ITGA8: variants seen among roughly 807,000 people sequenced by gnomAD.
The protein encoded by ITGA8 is integrin subunit alpha 8.
A neutral mutation model predicts 142.3 loss-of-function variants in ITGA8; 91 were observed. That is an observed-to-expected ratio of 0.64 (90% CI 0.54 to 0.76). The LOEUF is 0.76. Among genes scored for constraint, ITGA8 ranks in the 30% least tolerant of loss-of-function variants. The probability of loss-of-function intolerance (pLI) is 0.00; values close to 1 mark genes in which losing one functional copy is unlikely to be tolerated. For synonymous variants in ITGA8, 505 were observed against 485.2 expected, an observed-to-expected ratio of 1.04 and a Z score of -0.54; for missense variants, 1,406 against 1,327.7, an observed-to-expected ratio of 1.06 and a Z score of -0.92.
At chr10:15,700,180 C>T (rs1835135480) in intron 2 of ITGA8, among the ~76,000 whole-genome samples, 1 of 152,140 alleles carries the variant, frequency 6.6e-6, no homozygotes, top group Admixed American at 6.6e-5. Context: ...TTTCTTATTT[C>T]AATATGAAAA....
At chr10:15,556,103 T>A (rs1031193653) in intron 26 of ITGA8, among the ~76,000 whole-genome samples, 1 of 129,792 alleles carries the variant, frequency 7.7e-6, no homozygotes, top group African/African-American at 2.8e-5. Flanking sequence ...CTCGACTCAC[T>A]GCAACCTCCA....
chr10:15,703,859 C>A (rs1020177054), intron 2 of ITGA8, among the ~76,000 whole-genome samples: 39 of 151,778 alleles, frequency 2.6e-4, no homozygotes, highest in African/African-American at 9.0e-4. Context: ...AACACAAAAG[C>A]CCCCCATTGA....
At chr10:15,709,703 G>A (rs1170155211) in intron 2 of ITGA8, among the ~76,000 whole-genome samples, 2 of 152,144 alleles carry the variant, frequency 1.3e-5, no homozygotes, top group Admixed American at 1.3e-4. Context: ...CTTCTGGTAA[G>A]CTCATCTTAC....
At chr10:15,582,908 T>C (rs1190933699) in intron 23 of ITGA8, among the ~76,000 whole-genome samples, 1 of 152,242 alleles carries the variant, frequency 6.6e-6, no homozygotes, top group Non-Finnish European at 1.5e-5. Flanking sequence ...TACAACTCGG[T>C]AATTCCATTT....
chr10:15,550,159 C>G (rs1833769173), intron 26 of ITGA8, among the ~76,000 whole-genome samples: 1 of 152,186 alleles, frequency 6.6e-6, no homozygotes, highest in African/African-American at 2.4e-5. Flanking sequence ...TCGCTTGGCT[C>G]TCATTCTCTG....
At chr10:15,649,232 A>G (rs1588697967) in intron 11 of ITGA8, among the ~76,000 whole-genome samples, 1 of 152,202 alleles carries the variant, frequency 6.6e-6, no homozygotes, top group East Asian at 1.9e-4. Context: ...CCATGAGGAA[A>G]AAATATGTAA....
intron 13 of ITGA8, among the ~76,000 whole-genome samples, chr10:15,617,765 C>A (rs1325495313): frequency 6.7e-6 from 1 of 148,668 alleles, no homozygotes; most frequent in African/African-American, 2.5e-5. Context: ...ATAAAAATGA[C>A]AATGGCTAAA....
At position 15,718,857 on chromosome 10, in the gene ITGA8, C is replaced by A. The variant is rs1029576602; in HGVS notation, c.252G>T (p.Gln84His). 6.2e-7 allele frequency: 1 copy of A among 1,614,066 alleles called. No homozygotes were observed. Among genetic ancestry groups the A allele is most frequent in the African/African-American group, 1.3e-5 (1 of 74,934 alleles). Residue 84 changes from glutamine to histidine, a missense_variant, in exon 2 of 30, where the codon CAG (glutamine) becomes CAT (histidine). Physicochemically the swap from Gln to His is conservative, Grantham distance 24 (BLOSUM62 0). Coordinates refer to ENST00000378076, the MANE Select transcript of ITGA8 (RefSeq NM_003638.3). ...CGGCTCCCCCTTCCACGATATCGGG[C>A]TGGCTGGTGTTGGCTTTGGGCGCCC... ...LVGAPKANTS[Q>H]PDIVEGGAVY... is the part of the protein sequence containing the mutation.
intron 13 of ITGA8, among the ~76,000 whole-genome samples, chr10:15,621,629 A>T (rs905828924): frequency 1.9e-4 from 29 of 152,122 alleles, no homozygotes; most frequent in African/African-American, 7.0e-4. Context: ...GGCAGGAAAC[A>T]GTGAAGGGAG....
intron 13 of ITGA8, among the ~76,000 whole-genome samples, chr10:15,626,122 C>G (rs1833576964): frequency 6.6e-6 from 1 of 152,212 alleles, no homozygotes; most frequent in Non-Finnish European, 1.5e-5. Flanking sequence ...GTATAAATGT[C>G]ACACCTGGTC....
At position 15,671,594 on chromosome 10, in the gene ITGA8, GC is replaced by G; in HGVS notation, c.847+8del. On this transcript the variant is annotated splice_region_variant and intron_variant, in intron 8 of 29. Coordinates refer to ENST00000378076, the MANE Select transcript of ITGA8 (RefSeq NM_003638.3). ...TTATAAGTGATTTAAACTCAACAGT[GC>G]CTCTCACCTTGCTGAGAATCCCCAG... is the stretch of plus-strand genomic sequence containing the variant. 6.2e-7 allele frequency: 1 copy of G among 1,608,782 alleles called. No individual in the cohort carries two copies. The highest frequency in any genetic ancestry group is 8.5e-7 in the Non-Finnish European group (1 of 1,175,384).
intron 2 of ITGA8, among the ~76,000 whole-genome samples, chr10:15,697,139 G>C (rs1209591327): frequency 6.6e-6 from 1 of 151,698 alleles, no homozygotes; most frequent in African/African-American, 2.4e-5. Flanking sequence ...ATAAATAAGG[G>C]ACTCAAAAAG....
At chr10:15,674,703 G>A (rs1008259400) in intron 6 of ITGA8, among the ~76,000 whole-genome samples, 48 of 152,002 alleles carry the variant, frequency 3.2e-4, no homozygotes, top group South Asian at 2.1e-4. Flanking sequence ...AGGCTGAGGC[G>A]GGCGGATCAT....
chr10:15,680,069 G>C (rs1464774408), intron 4 of ITGA8, among the ~76,000 whole-genome samples: 3 of 152,130 alleles, frequency 2.0e-5, no homozygotes, highest in Admixed American at 1.3e-4. Context: ...AGGAAATATT[G>C]ATGACTGGGC....
At chr10:15,529,687 A>C (rs1385624161) in intron 28 of ITGA8, among the ~76,000 whole-genome samples, 4 of 152,234 alleles carry the variant, frequency 2.6e-5, no homozygotes, top group African/African-American at 9.6e-5. Context: ...AGAAACACAA[A>C]TCAAGTGGTT....
chr10:15,532,280 A>G (rs916769587), intron 27 of ITGA8, among the ~76,000 whole-genome samples: 2 of 151,852 alleles, frequency 1.3e-5, no homozygotes, highest in Admixed American at 1.3e-4. Context: ...TTAGCTGGGC[A>G]TGGTGGCGGG....
At chr10:15,630,278 A>G (rs1833661048) in intron 13 of ITGA8, among the ~76,000 whole-genome samples, 1 of 152,104 alleles carries the variant, frequency 6.6e-6, no homozygotes. Context: ...TATGAGCAAC[A>G]ATTTATATAC....
intron 13 of ITGA8, among the ~76,000 whole-genome samples, chr10:15,617,448 G>A (rs1012995294): frequency 1.3e-5 from 2 of 151,856 alleles, no homozygotes; most frequent in African/African-American, 4.8e-5. Flanking sequence ...GCCTAGGCTG[G>A]AGTGCCGTGG....
rs1833101473 is a variant in ITGA8 at position 15,523,170 on chromosome 10, A to T, written c.2983-3758T>A. On this transcript the variant is annotated intron_variant, in intron 28 of 29. Transcript: ENST00000378076. ...TGTTAGCTTAATAAAAAGAAATGGA[A>T]TGGGCTGAGTGGATACCTACTGAGT... Among the ~76,000 whole-genome samples, 3 of 152,342 alleles carry T rather than the reference A, an allele frequency of 2.0e-5. No individual in the cohort carries two copies. The South Asian group carries it at 6.2e-4, about 32-fold the overall frequency.
Sources: allele counts gnomAD v4.1 joint callset (sites outside exome capture counted in the v4.1 genomes callset), GRCh38; gene constraint gnomAD v4.1.1; transcripts MANE v1.5; gene names NCBI Gene and HGNC (gene_info 2026-07-23, HGNC 2026-07-21).